The following TRPM3 variants were observed in gnomAD, a reference collection of about 807,000 sequenced individuals.
TRPM3 encodes long transient receptor potential channel 3.
In TRPM3, 77 loss-of-function variants were observed where a neutral mutation model predicts 181.2. That is an observed-to-expected ratio of 0.42 (90% CI 0.35 to 0.51). The LOEUF (loss-of-function observed/expected upper bound fraction) is 0.51. Ranked by LOEUF, TRPM3 falls within the 20% of genes least tolerant of loss-of-function variation. TRPM3 has a pLI of 0.01. For missense variants in TRPM3, 1,759 were observed against 2,196.7 expected, an observed-to-expected ratio of 0.80 and a Z score of 3.98; for synonymous variants, 745 against 796.4, an observed-to-expected ratio of 0.94 and a Z score of 1.09.
intron 5 of TRPM3, among the ~76,000 whole-genome samples, chr9:70,835,714 C>A (rs1349664748): frequency 6.6e-6 from 1 of 152,064 alleles, no homozygotes; most frequent in Non-Finnish European, 1.5e-5. Context: ...TAATAATAAT[C>A]ATCCCATTGA....
At chr9:70,642,877 G>T (rs567935679) in intron 9 of TRPM3, among the ~76,000 whole-genome samples, 1 of 152,290 alleles carries the variant, frequency 6.6e-6, no homozygotes, top group East Asian at 1.9e-4. Context: ...GGAGCCTAAG[G>T]TTCTGTGTTT....
At chr9:70,917,570 T>TTTTTTTTG in intron 1 of TRPM3, 1 of 594,888 alleles carries the variant, frequency 1.7e-6, no homozygotes, top group Non-Finnish European at 3.1e-6. Flanking sequence ...TAAGTTGTTA[T>TTTTTTTTG]ATCAACTTAA....
chr9:70,552,739 C>G (rs1332452594), intron 24 of TRPM3, 105 bp downstream of exon 24: 2 of 1,194,054 alleles, frequency 1.7e-6, no homozygotes, highest in Non-Finnish European at 2.5e-6. Flanking sequence ...CTGCAGCCTG[C>G]AAGAGGTAGG....
rs566500319 is a variant in TRPM3, at chr9:71,019,912, A to G, written c.177+101266T>C. 5.5e-4 allele frequency among the ~76,000 whole-genome samples: 84 copies of G among 152,280 alleles called. 1 individual carries two copies. The South Asian group carries it at 8.3e-3, about 15-fold the overall frequency. The stretch of plus-strand genomic sequence containing the variant: ...ATATATGGAAATTTGCTTTATGACT[A>G]AAGTTTCACTGTAGAACTGTAGGGA... On this transcript the variant is annotated intron_variant, in intron 1 of 25. Coordinates refer to ENST00000677713, the MANE Select transcript of TRPM3 (RefSeq NM_001366145.2).
At chr9:70,789,630 C>A (rs2084856186) in intron 6 of TRPM3, among the ~76,000 whole-genome samples, 1 of 152,106 alleles carries the variant, frequency 6.6e-6, no homozygotes, top group South Asian at 2.1e-4. Flanking sequence ...TATTTGAGAG[C>A]AATATAAGGT....
intron 8 of TRPM3, among the ~76,000 whole-genome samples, chr9:70,755,604 T>C (rs1354219137): frequency 1.3e-5 from 2 of 152,026 alleles, no homozygotes; most frequent in Admixed American, 6.6e-5. Flanking sequence ...TGACCTCAGG[T>C]GATCCGCCTG....
intron 1 of TRPM3, among the ~76,000 whole-genome samples, chr9:71,330,780 C>T (rs906795241): frequency 7.2e-5 from 11 of 151,726 alleles, no homozygotes; most frequent in Non-Finnish European, 2.9e-5. Flanking sequence ...TGTCAGATGA[C>T]CATGAGAAGG....
intron 1 of TRPM3, among the ~76,000 whole-genome samples, chr9:70,908,838 C>T (rs988412621): frequency 6.6e-6 from 1 of 152,168 alleles, no homozygotes; most frequent in Non-Finnish European, 1.5e-5. Flanking sequence ...TATATCGATA[C>T]TTGATATATG....
intron 1 of TRPM3, among the ~76,000 whole-genome samples, chr9:71,186,437 T>A (rs74961164): frequency 0.011 from 1,717 of 152,168 alleles, 28 homozygotes; most frequent in African/African-American, 0.039. Context: ...CTTCTTAAAT[T>A]CATGCTCTCT....
intron 7 of TRPM3, among the ~76,000 whole-genome samples, chr9:70,769,632 T>G (rs990081382): frequency 6.6e-6 from 1 of 152,066 alleles, no homozygotes; most frequent in Non-Finnish European, 1.5e-5. Context: ...AAAATAAAAT[T>G]TAAGAAAATT....
intron 1 of TRPM3, among the ~76,000 whole-genome samples, chr9:71,215,139 G>T (rs553215665): frequency 6.6e-6 from 1 of 150,946 alleles, no homozygotes; most frequent in African/African-American, 2.4e-5. Flanking sequence ...CTGACAGAAA[G>T]TAATAGTTCA....
chr9:70,543,348 AT>A (rs1296549255), intron 25 of TRPM3, among the ~76,000 whole-genome samples: 8 of 152,212 alleles, frequency 5.3e-5, no homozygotes, highest in Admixed American at 4.6e-4. Flanking sequence ...GTTACAAACA[AT>A]CCATTTACAT....
intron 1 of TRPM3, among the ~76,000 whole-genome samples, chr9:70,996,146 C>A (rs1179400546): frequency 6.6e-6 from 1 of 152,148 alleles, no homozygotes; most frequent in Non-Finnish European, 1.5e-5. Flanking sequence ...CCTTTTCAGG[C>A]TAATGTGAAT....
At chr9:71,445,598 T>A (rs2094193215) in intron 1 of TRPM3, among the ~76,000 whole-genome samples, 1 of 152,242 alleles carries the variant, frequency 6.6e-6, no homozygotes, top group Admixed American at 6.5e-5. Flanking sequence ...GTGGAAGTAA[T>A]GTTTAAACAT....
chr9:70,947,432 T>C (rs1205554072), intron 1 of TRPM3, among the ~76,000 whole-genome samples: 2 of 152,204 alleles, frequency 1.3e-5, no homozygotes, highest in Non-Finnish European at 2.9e-5. Flanking sequence ...GAAATATAAG[T>C]ACTAATTTAG....
chr9:71,151,460 A>G (rs1207574167), intron 1 of TRPM3, among the ~76,000 whole-genome samples: 1 of 152,082 alleles, frequency 6.6e-6, no homozygotes, highest in East Asian at 1.9e-4. Context: ...TAAAAATCTA[A>G]AAGACATACA....
intron 9 of TRPM3, among the ~76,000 whole-genome samples, chr9:70,671,750 C>T (rs2062977033): frequency 6.6e-6 from 1 of 151,882 alleles, no homozygotes; most frequent in Non-Finnish European, 1.5e-5. Flanking sequence ...ACATACTTTG[C>T]CCCTCAGTAG....
chr9:71,298,699 C>T (rs2086512670), intron 1 of TRPM3, among the ~76,000 whole-genome samples: 3 of 152,224 alleles, frequency 2.0e-5, no homozygotes, highest in African/African-American at 2.4e-5. Flanking sequence ...ACACAGGAGA[C>T]ACCTTCTAAT....
At chr9:71,156,278 C>A (rs147817642) in intron 1 of TRPM3, among the ~76,000 whole-genome samples, 11 of 151,266 alleles carry the variant, frequency 7.3e-5, no homozygotes, top group African/African-American at 2.7e-4. Flanking sequence ...GACTTGGGCA[C>A]GTCATTAAAT....
Sources: gnomAD v4.1 joint callset for allele counts (sites outside exome capture counted in the v4.1 genomes callset) on GRCh38, gnomAD v4.1.1 for gene constraint, MANE v1.5 for transcripts, NCBI Gene and HGNC (gene_info 2026-07-23, HGNC 2026-07-21) for gene names.